ASCC3: variants seen among roughly 807,000 people sequenced by gnomAD.
ASCC3 encodes ASC-1 complex subunit P200.
In ASCC3, 158 loss-of-function variants were observed where a neutral mutation model predicts 256.3. The ratio of observed to expected loss-of-function variants is 0.62; its 90% confidence interval spans 0.54 to 0.70. The LOEUF (loss-of-function observed/expected upper bound fraction) is 0.70. Among genes scored for constraint, ASCC3 ranks in the 30% least tolerant of loss-of-function variants. ASCC3 has a pLI of 0.00. For missense variants in ASCC3, 2,259 were observed against 2,626.0 expected, an observed-to-expected ratio of 0.86 and a Z score of 3.05; for synonymous variants, 948 against 883.4, an observed-to-expected ratio of 1.07 and a Z score of -1.30.
chr6:100,766,741 A>T (rs749060717), intron 9 of ASCC3, 36 bp from the exon 10 acceptor site: 1 of 1,613,298 alleles, frequency 6.2e-7, no homozygotes, highest in East Asian at 2.2e-5. Context: ...TTAATGAGCA[A>T]AAACTACCAT....
At chr6:100,512,172 T>C (rs1773796723) in intron 40 of ASCC3, among the ~76,000 whole-genome samples, 1 of 152,140 alleles carries the variant, frequency 6.6e-6, no homozygotes, top group Admixed American at 6.5e-5. Flanking sequence ...CGCAGGCAAA[T>C]GTGGCAACTG....
chr6:100,758,104 A>G (rs1781267729), intron 10 of ASCC3, among the ~76,000 whole-genome samples: 1 of 152,152 alleles, frequency 6.6e-6, no homozygotes, highest in Non-Finnish European at 1.5e-5. Flanking sequence ...ATAATACTCA[A>G]AAAGTCCAGG....
rs1295053650 is a variant in ASCC3, at chr6:100,628,094, A to T, written c.4376-107T>A. ...TAGCTTCCTCAAAAAACAAAAACAA[A>T]AAAAAAAACAAAAAAAAAGCTAAAG... On this transcript the variant is annotated intron_variant, in intron 27 of 41. Coordinates refer to ENST00000369162, the MANE Select transcript of ASCC3 (RefSeq NM_006828.4). The T allele has an allele frequency of 4.4e-6, 5 of 1,141,384 alleles. No individual in the cohort carries two copies. In the African/African-American group the frequency reaches 6.4e-5, roughly 15 times the overall value. 70.7% of individuals were successfully genotyped at this position (1,141,384 alleles called of 1,614,324 possible).
Position 100,538,365 on chromosome 6 carries a change from A to C in ASCC3, c.5775+1798T>G, listed in dbSNP as rs539451442. Among the ~76,000 whole-genome samples the C allele has an allele frequency of 1.1e-4, 16 of 152,260 alleles. No homozygotes were observed. The East Asian group carries it at 2.9e-3, about 28-fold the overall frequency. ...AATAAGTAAACCATGTGTTAGTTAC[A>C]AAAGAGTGTAAAAACGTGTTACATG... On this transcript the variant is annotated intron_variant, in intron 37 of 41. Coordinates refer to ENST00000369162, the MANE Select transcript of ASCC3 (RefSeq NM_006828.4).
intron 37 of ASCC3, among the ~76,000 whole-genome samples, chr6:100,523,843 A>G (rs975761724): frequency 4.6e-5 from 7 of 152,178 alleles, no homozygotes; most frequent in African/African-American, 1.4e-4. Context: ...CGTATCTTCT[A>G]CATTTCATAT....
chr6:100,689,284 C>A (rs1777726569), intron 13 of ASCC3, among the ~76,000 whole-genome samples: 2 of 152,248 alleles, frequency 1.3e-5, no homozygotes, highest in South Asian at 4.1e-4. Flanking sequence ...GTGCTAGGTC[C>A]ATTACTAGGT....
At chr6:100,856,786 T>C (rs555409060) in intron 3 of ASCC3, 20 of 152,262 alleles carry the variant, frequency 1.3e-4, no homozygotes, top group African/African-American at 4.8e-4. Flanking sequence ...ATGTTATACA[T>C]AGCTGTAATC....
intron 11 of ASCC3, among the ~76,000 whole-genome samples, chr6:100,723,125 A>G (rs1481516095): frequency 6.6e-6 from 1 of 151,688 alleles, no homozygotes; most frequent in East Asian, 1.9e-4. Context: ...GAAATGTCTC[A>G]TACTGATTCA....
intron 3 of ASCC3, among the ~76,000 whole-genome samples, chr6:100,859,784 G>T (rs1773135108): frequency 6.6e-6 from 1 of 151,914 alleles, no homozygotes; most frequent in African/African-American, 2.4e-5. Flanking sequence ...ATAAATCAGG[G>T]CTTATAAATT....
chr6:100,756,242 A>T (rs954082676), intron 10 of ASCC3, among the ~76,000 whole-genome samples: 6 of 152,084 alleles, frequency 3.9e-5, no homozygotes, highest in South Asian at 4.1e-4. Context: ...CAAGTTAAAA[A>T]TACAGGTAGA....
intron 4 of ASCC3, among the ~76,000 whole-genome samples, chr6:100,806,215 G>C (rs10485294): frequency 6.6e-6 from 1 of 151,832 alleles, no homozygotes; most frequent in African/African-American, 2.4e-5. Context: ...ATATCATTCT[G>C]GTTTTCCCAA....
chr6:100,844,285 A>G (rs1297295519), intron 4 of ASCC3, among the ~76,000 whole-genome samples: 1 of 151,322 alleles, frequency 6.6e-6, no homozygotes, highest in Non-Finnish European at 1.5e-5. Flanking sequence ...TATAAAGAGG[A>G]TATCACTCCT....
chr6:100,550,695 A>T (rs1294425498), intron 36 of ASCC3, among the ~76,000 whole-genome samples: 2 of 151,708 alleles, frequency 1.3e-5, no homozygotes, highest in Non-Finnish European at 2.9e-5. Context: ...CTATGTTAGA[A>T]TTTCAACTCT....
At position 100,642,668 on chromosome 6, in the gene ASCC3, C is replaced by G. The variant is rs746599546; in HGVS notation, c.3814G>C (p.Val1272Leu). 1 of 1,613,962 alleles carries G rather than the reference C, an allele frequency of 6.2e-7. No individual in the cohort carries two copies. The highest frequency in any genetic ancestry group is 1.3e-5 in the African/African-American group (1 of 75,052). Reference sequence around the variant, plus strand: ...TCAGCACCCAACCATCTATCAGACACTGCTCGGATGTAGTATTGGGAAGGC... The same window carrying G: ...TCAGCACCCAACCATCTATCAGACAGTGCTCGGATGTAGTATTGGGAAGGC... Reference protein sequence around the residue: ...PLPSQYYIRAVSDRWLGAEAV... With the variant: ...PLPSQYYIRALSDRWLGAEAV... Residue 1272 changes from valine to leucine, a missense_variant, in exon 24 of 42, where the codon GTG (valine) becomes CTG (leucine). By Grantham distance (32) the Val-to-Leu change is conservative. Around this residue, in one of 2 missense-constraint regions of ASCC3, gnomAD observed 1,839 missense variants for 2,206.7 expected, o/e 0.83. Transcript: ENST00000369162.
chr6:100,804,622 C>G (rs936627089), intron 5 of ASCC3, among the ~76,000 whole-genome samples: 1 of 152,014 alleles, frequency 6.6e-6, no homozygotes, highest in Non-Finnish European at 1.5e-5. Flanking sequence ...AGACACTTCT[C>G]AATAAAAGAC....
intron 12 of ASCC3, 96 bp downstream of exon 12, chr6:100,717,979 G>C (rs1364031237): frequency 7.5e-6 from 9 of 1,205,314 alleles, no homozygotes; most frequent in Non-Finnish European, 8.3e-6. Flanking sequence ...CACCACAAAA[G>C]GCTGAAATGG....
chr6:100,532,317 A>G (rs1369008654), intron 37 of ASCC3, among the ~76,000 whole-genome samples: 11 of 143,612 alleles, frequency 7.7e-5, no homozygotes, highest in Admixed American at 6.3e-4. Flanking sequence ...TTTCTCATCA[A>G]AGCAGAATGC....
chr6:100,637,398 T>C (rs1483787074), intron 25 of ASCC3, among the ~76,000 whole-genome samples: 1 of 152,178 alleles, frequency 6.6e-6, no homozygotes, highest in Non-Finnish European at 1.5e-5. Flanking sequence ...TCATTGACAA[T>C]ACATCTAATC....
chr6:100,804,132 C>A (rs1770052946), intron 5 of ASCC3, among the ~76,000 whole-genome samples: 1 of 152,008 alleles, frequency 6.6e-6, no homozygotes, highest in African/African-American at 2.4e-5. Flanking sequence ...TCAATTTGCT[C>A]AGTGTGATAA....
Sources: allele counts gnomAD v4.1 joint callset (sites outside exome capture counted in the v4.1 genomes callset), GRCh38; gene constraint gnomAD v4.1.1; regional missense constraint gnomAD v4.1.1; transcripts MANE v1.5; gene names NCBI Gene and HGNC (gene_info 2026-07-23, HGNC 2026-07-21).